Variants in KLF8 observed in about 807,000 individuals in gnomAD.
KLF8 encodes the protein Krueppel-like factor 8.
In KLF8, 10 loss-of-function variants were observed where a neutral mutation model predicts 18.2. That is an observed-to-expected ratio of 0.55 (90% CI 0.34 to 0.93). The LOEUF is 0.93. Ranked by LOEUF, KLF8 falls within the 40% of genes least tolerant of loss-of-function variation. The pLI, the probability that KLF8 is intolerant of heterozygous loss-of-function variation, is 0.02. For synonymous variants in KLF8, 109 were observed against 97.3 expected (o/e 1.12, Z -0.71); for missense variants, 264 against 277.9 (o/e 0.95, Z 0.36).
the KLF8 span, among the ~76,000 whole-genome samples, chrX:55,970,894 T>G: frequency 9.0e-6 from 1 of 111,140 alleles, no homozygotes; most frequent in Non-Finnish European, 1.9e-5. Flanking sequence ...TGTAAAACAC[T>G]GAGGAAAGAA....
In KLF8 at chrX:56,285,208, A is replaced by G. The variant is rs2067255366; in HGVS notation, c.*714A>G. The G allele has an allele frequency of 1.8e-5, 2 of 111,117 alleles. No individual in the cohort carries two copies. Among genetic ancestry groups the G allele is most frequent in the African/African-American group, 6.6e-5 (2 of 30,528 alleles). The allele number at this position is 111,117 out of a possible 1,213,427, so 9.2% of individuals were successfully genotyped here. ...TTTCTTTTCCACTTTCTCCTTCAGG[A>G]TTAAAGATTTTGCTGCACAATTGTT... is the stretch of plus-strand genomic sequence containing the variant. On this transcript the variant is annotated 3_prime_UTR_variant, in exon 6 of 6. Transcript: ENST00000468660.
At chrX:56,280,119 A>G (rs769965652) in intron 5 of KLF8, among the ~76,000 whole-genome samples, 15 of 112,472 alleles carry the variant, frequency 1.3e-4, no homozygotes, top group African/African-American at 4.2e-4. Flanking sequence ...AAAGCAGGAA[A>G]CACAGATATA....
At chrX:56,278,860 G>T (rs928233683) in intron 5 of KLF8, among the ~76,000 whole-genome samples, 20 of 111,542 alleles carry the variant, frequency 1.8e-4, no homozygotes, top group African/African-American at 6.2e-4. Flanking sequence ...TTCCCTTCTG[G>T]CTCTGACTGG....
At chrX:56,177,355 G>C in the KLF8 span, among the ~76,000 whole-genome samples, 1 of 111,195 alleles carries the variant, frequency 9.0e-6, no homozygotes, top group Non-Finnish European at 1.9e-5. Flanking sequence ...GTTGGAGTTT[G>C]CTGGCGGTCC....
chrX:56,272,054 T>C (rs1347982837), intron 5 of KLF8, among the ~76,000 whole-genome samples: 2 of 111,573 alleles, frequency 1.8e-5, no homozygotes, highest in Non-Finnish European at 3.8e-5. Flanking sequence ...ACTGTTTTTC[T>C]CCCTAGTGGT....
the KLF8 span, among the ~76,000 whole-genome samples, chrX:56,024,082 C>G: frequency 1.8e-5 from 2 of 111,697 alleles, no homozygotes; most frequent in Non-Finnish European, 3.8e-5. Context: ...AAATTACATG[C>G]CCACCAATTT....
the KLF8 span, among the ~76,000 whole-genome samples, chrX:56,112,828 A>C: frequency 9.0e-6 from 1 of 111,604 alleles, no homozygotes; most frequent in Non-Finnish European, 1.9e-5. Context: ...ATGTGTTTTT[A>C]TTGGTATTAT....
At chrX:56,242,236 G>T (rs1264014550) in intron 1 of KLF8, among the ~76,000 whole-genome samples, 1 of 112,222 alleles carries the variant, frequency 8.9e-6, no homozygotes, top group South Asian at 3.7e-4. Flanking sequence ...ATCAGCGTCT[G>T]AGAGAAGCGC....
At chrX:56,151,499 G>A in the KLF8 span, among the ~76,000 whole-genome samples, 1 of 111,321 alleles carries the variant, frequency 9.0e-6, no homozygotes, top group Non-Finnish European at 1.9e-5. Flanking sequence ...AGATTGGATA[G>A]GGGTGGTAGG....
At chrX:55,944,144 C>T in the KLF8 span, among the ~76,000 whole-genome samples, 4 of 110,005 alleles carry the variant, frequency 3.6e-5, no homozygotes, top group African/African-American at 9.9e-5. Flanking sequence ...TATTGATTTG[C>T]GTATATTGAA....
the KLF8 span, among the ~76,000 whole-genome samples, chrX:56,174,773 A>C: frequency 2.7e-5 from 3 of 111,019 alleles, no homozygotes; most frequent in African/African-American, 3.3e-5. Context: ...TCAATTTCAG[A>C]TCCTGTTATT....
chrX:56,123,253 A>AAG, the KLF8 span, among the ~76,000 whole-genome samples: 1 of 90,009 alleles, frequency 1.1e-5, no homozygotes, highest in African/African-American at 4.5e-5. Flanking sequence ...AAAAGAAAGA[A>AAG]AAAGAAAGAA....
At chrX:56,159,002 A>G in the KLF8 span, among the ~76,000 whole-genome samples, 3 of 111,834 alleles carry the variant, frequency 2.7e-5, no homozygotes, top group Non-Finnish European at 5.6e-5. Flanking sequence ...TTGCCCATTC[A>G]GTATGATATT....
the KLF8 span, among the ~76,000 whole-genome samples, chrX:56,057,933 G>A: frequency 2.0e-4 from 22 of 107,545 alleles, no homozygotes; most frequent in Admixed American, 4.1e-4. Flanking sequence ...GTCTCCTTCT[G>A]CTTGCATTCA....
Position 56,242,977 on chromosome X carries a change from T to C in KLF8, c.8-7254T>C, listed in dbSNP as rs2066567100. The stretch of plus-strand genomic sequence containing the variant: ...TTTGTTGGCAACATCCAAAGCATTG[T>C]AATCAGGAGCCAGTCGAACGTATGC... On this transcript the variant is annotated intron_variant, in intron 1 of 5. Coordinates refer to ENST00000468660, the MANE Select transcript of KLF8 (RefSeq NM_007250.5). 5 of 478,372 alleles carry C rather than the reference T, an allele frequency of 1.0e-5. No homozygotes were observed. In the South Asian group the frequency reaches 1.1e-4, roughly 11 times the overall value. 39.4% of individuals were successfully genotyped at this position (478,372 alleles called of 1,213,427 possible).
chrX:55,999,812 C>T, the KLF8 span, among the ~76,000 whole-genome samples: 3 of 111,666 alleles, frequency 2.7e-5, no homozygotes, highest in East Asian at 2.8e-4. Flanking sequence ...AGTTCAACTT[C>T]TTCATTTCCT....
At chrX:56,045,753 T>G in the KLF8 span, among the ~76,000 whole-genome samples, 1 of 111,629 alleles carries the variant, frequency 9.0e-6, no homozygotes, top group Non-Finnish European at 1.9e-5. Context: ...GTACATTAAA[T>G]TTGTGTCCTG....
the KLF8 span, among the ~76,000 whole-genome samples, chrX:56,164,470 T>C: frequency 2.1e-4 from 19 of 91,742 alleles, no homozygotes; most frequent in African/African-American, 6.2e-4. Flanking sequence ...TGTTTTCAAA[T>C]TTGAGGTTGA....
At chrX:56,267,682 A>T (rs945284921) in intron 3 of KLF8, 6 of 111,544 alleles carry the variant, frequency 5.4e-5, no homozygotes, top group African/African-American at 2.0e-4. Context: ...TTAAAAATTG[A>T]CAGGTAATAT....
Sources: allele counts gnomAD v4.1 joint callset (sites outside exome capture counted in the v4.1 genomes callset), GRCh38; gene constraint gnomAD v4.1.1; transcripts MANE v1.5; gene names NCBI Gene and HGNC (gene_info 2026-07-23, HGNC 2026-07-21).